Variants in PLPP4 observed in about 807,000 individuals in gnomAD.
PLPP4 encodes the protein phospholipid phosphatase 4.
A neutral mutation model predicts 32.2 loss-of-function variants in PLPP4; 20 were observed. The ratio of observed to expected loss-of-function variants is 0.62; its 90% confidence interval spans 0.44 to 0.90. The LOEUF (loss-of-function observed/expected upper bound fraction) is 0.90. Ranked by LOEUF, PLPP4 falls within the 40% of genes least tolerant of loss-of-function variation. PLPP4 has a pLI of 0.00. For synonymous variants in PLPP4, 127 were observed against 133.0 expected, an observed-to-expected ratio of 0.95 and a Z score of 0.31; for missense variants, 257 against 353.1, an observed-to-expected ratio of 0.73 and a Z score of 2.18.
chr10:120,494,372 A>G (rs1164709573), intron 1 of PLPP4, among the ~76,000 whole-genome samples: 1 of 152,216 alleles, frequency 6.6e-6, no homozygotes, highest in African/African-American at 2.4e-5. Flanking sequence ...ACCTTGCCCA[A>G]GGTCACGTGG....
chr10:120,459,679 G>A (rs1230546673), intron 1 of PLPP4, among the ~76,000 whole-genome samples: 2 of 152,160 alleles, frequency 1.3e-5, no homozygotes, highest in Admixed American at 1.3e-4. Flanking sequence ...TCAGCAGCTA[G>A]TTTTGCTTGG....
At chr10:120,523,266 T>C (rs913101) in intron 5 of PLPP4, among the ~76,000 whole-genome samples, 131,530 of 151,996 alleles carry the variant, frequency 0.87, 58,343 homozygotes, top group Non-Finnish European at 0.95. Flanking sequence ...TGTGCCAGTG[T>C]ACTCCAGCCT....
At chr10:120,573,253 C>A (rs1472804599) in intron 5 of PLPP4, among the ~76,000 whole-genome samples, 1 of 152,220 alleles carries the variant, frequency 6.6e-6, no homozygotes, top group South Asian at 2.1e-4. Flanking sequence ...TCTTTTGCTG[C>A]ATCTTTATAC....
chr10:120,534,064 G>GT (rs1331275038), intron 5 of PLPP4, among the ~76,000 whole-genome samples: 18 of 152,144 alleles, frequency 1.2e-4, no homozygotes, highest in African/African-American at 3.9e-4. Flanking sequence ...GGTGTTCTTT[G>GT]TTTTTTGTGT....
chr10:120,541,801 G>A (rs1352466986), intron 5 of PLPP4, among the ~76,000 whole-genome samples: 1 of 149,732 alleles, frequency 6.7e-6, no homozygotes. Flanking sequence ...TTGAGATGGA[G>A]TCTCGCACTG....
chr10:120,529,528 G>A (rs946703267), intron 5 of PLPP4, among the ~76,000 whole-genome samples: 2 of 152,122 alleles, frequency 1.3e-5, no homozygotes, highest in African/African-American at 4.8e-5. Flanking sequence ...AAAAAGATCA[G>A]AGTCAGATTA....
chr10:120,589,295 C>G lies in PLPP4; in HGVS notation c.617-8C>G. 9.3e-6 allele frequency: 15 copies of G among 1,613,934 alleles called. No homozygotes were observed. Among genetic ancestry groups the G allele is most frequent in the Non-Finnish European group, 1.3e-5 (15 of 1,179,862 alleles). ...CCCATTTTTCCTGCTCTGCTGTTTC[C>G]TGCCTAGATTCCTTTGTGGGTGGAG... On this transcript the variant is annotated splice_region_variant and splice_polypyrimidine_tract_variant and intron_variant, in intron 6 of 6. Transcript: ENST00000398250.
chr10:120,520,898 T>C, intron 4 of PLPP4, 73 bp from the exon 5 acceptor site: 4 of 1,561,890 alleles, frequency 2.6e-6, no homozygotes, highest in Non-Finnish European at 3.5e-6. Context: ...CAGTGGGGAG[T>C]TGGGGGGGTC....
intron 5 of PLPP4, among the ~76,000 whole-genome samples, chr10:120,551,607 A>G (rs1377407076): frequency 6.6e-6 from 1 of 152,218 alleles, no homozygotes; most frequent in Non-Finnish European, 1.5e-5. Flanking sequence ...AAGCTATAAT[A>G]TTCTGTTTAT....
chr10:120,519,259 G>A (rs761538318), intron 4 of PLPP4, among the ~76,000 whole-genome samples: 7 of 152,058 alleles, frequency 4.6e-5, no homozygotes, highest in Non-Finnish European at 1.0e-4. Context: ...TTCAGGATGA[G>A]ACATATGGAT....
chr10:120,536,466 G>C (rs746427058), intron 5 of PLPP4, among the ~76,000 whole-genome samples: 16 of 151,908 alleles, frequency 1.1e-4, no homozygotes, highest in Non-Finnish European at 1.9e-4. Flanking sequence ...AAATGGTATT[G>C]GGAAAATTGG....
chr10:120,512,818 T>TA (rs996967118), intron 2 of PLPP4, among the ~76,000 whole-genome samples: 2 of 151,934 alleles, frequency 1.3e-5, no homozygotes, highest in African/African-American at 4.8e-5. Context: ...TCTAAAAAAA[T>TA]AAAAAATACA....
intron 6 of PLPP4, among the ~76,000 whole-genome samples, chr10:120,585,775 C>T (rs1849723653): frequency 6.6e-6 from 1 of 152,142 alleles, no homozygotes; most frequent in African/African-American, 2.4e-5. Flanking sequence ...GCCCCAGGAG[C>T]CTCCAAATGG....
chr10:120,553,120 C>T (rs1847985901), intron 5 of PLPP4, among the ~76,000 whole-genome samples: 1 of 152,212 alleles, frequency 6.6e-6, no homozygotes. Flanking sequence ...GAGATGCTTT[C>T]AAACACCTAT....
intron 5 of PLPP4, among the ~76,000 whole-genome samples, chr10:120,550,142 T>C (rs1267149418): frequency 6.6e-6 from 1 of 151,958 alleles, no homozygotes. Flanking sequence ...AAGGTCAATA[T>C]AGAAAATCAA....
At chr10:120,534,784 A>G (rs1235682661) in intron 5 of PLPP4, among the ~76,000 whole-genome samples, 1 of 151,874 alleles carries the variant, frequency 6.6e-6, no homozygotes, top group African/African-American at 2.4e-5. Flanking sequence ...CAGACTTTCT[A>G]TTTGGTTCTC....
intron 5 of PLPP4, among the ~76,000 whole-genome samples, chr10:120,556,641 G>C (rs550227048): frequency 6.6e-6 from 1 of 152,276 alleles, no homozygotes; most frequent in Non-Finnish European, 1.5e-5. Flanking sequence ...CTTACTGGAT[G>C]CTAGGCATGC....
At chr10:120,520,173 G>A (rs890294256) in intron 4 of PLPP4, among the ~76,000 whole-genome samples, 1 of 152,116 alleles carries the variant, frequency 6.6e-6, no homozygotes, top group African/African-American at 2.4e-5. Context: ...CAGGAGGCTC[G>A]ACTTCAGGCC....
At chr10:120,524,596 G>C (rs1406136822) in intron 5 of PLPP4, among the ~76,000 whole-genome samples, 1 of 152,188 alleles carries the variant, frequency 6.6e-6, no homozygotes, top group Admixed American at 6.5e-5. Flanking sequence ...AAAGGATCTT[G>C]TTCTTAATCT....
Sources: allele counts gnomAD v4.1 joint callset (sites outside exome capture counted in the v4.1 genomes callset), GRCh38; gene constraint gnomAD v4.1.1; transcripts MANE v1.5; gene names NCBI Gene and HGNC (gene_info 2026-07-23, HGNC 2026-07-21).